The following TECTA variants were observed in gnomAD, a reference collection of about 807,000 sequenced individuals.
TECTA encodes the protein tectorin alpha.
TECTA carries 128 observed loss-of-function variants against 216.8 expected under a neutral mutation model. That is an observed-to-expected ratio of 0.59 (90% CI 0.51 to 0.68). TECTA has a LOEUF of 0.68. Among genes scored for constraint, TECTA ranks in the 30% least tolerant of loss-of-function variants. TECTA has a pLI of 0.00. For missense variants in TECTA, 2,551 were observed against 2,786.2 expected, an observed-to-expected ratio of 0.92 and a Z score of 1.90; for synonymous variants, 1,089 against 1,117.1, an observed-to-expected ratio of 0.97 and a Z score of 0.50.
rs56161514 is a variant in TECTA at position 121,190,074 on chromosome 11, C to A, written c.6367+194C>A. 0.026 allele frequency: 15,214 copies of A among 595,050 alleles called. 286 individuals carry two copies. Among genetic ancestry groups the A allele is most frequent in the African/African-American group, 0.054 (2,881 of 53,438 alleles). 36.9% of individuals were successfully genotyped at this position (595,050 alleles called of 1,614,324 possible). A position where few individuals can be genotyped will look rare whatever the true frequency, so the allele number is the denominator to read the frequency against. ...TAAACAAACAAACAAACAACAACAA[C>A]AAAAAAACCTTGCTCTTTCATCTAA... On this transcript the variant is annotated intron_variant, in intron 23 of 23. Transcript: ENST00000392793.
chr11:121,136,561 A>G (rs1946729264), intron 10 of TECTA, among the ~76,000 whole-genome samples: 1 of 152,218 alleles, frequency 6.6e-6, no homozygotes, highest in Admixed American at 6.5e-5. Flanking sequence ...AAAGAGGAGC[A>G]AGGCATACCA....
intron 14 of TECTA, among the ~76,000 whole-genome samples, chr11:121,159,355 A>G (rs1946975722): frequency 1.3e-5 from 2 of 152,206 alleles, no homozygotes; most frequent in South Asian, 4.1e-4. Context: ...CACCCAAGAG[A>G]GCAAAACTGA....
Position 121,129,646 on chromosome 11 carries a change from T to G in TECTA, c.2376T>G (p.Gly792=), listed in dbSNP as rs760416503. The change falls in exon 10 of 24, where the codon GGT becomes GGG. Residue 792 remains glycine (G), a synonymous_variant. Transcript: ENST00000392793. The stretch of plus-strand genomic sequence containing the variant: ...ATGACTTGATTTTTCAGTTGAATGG[T>G]CAGGAAGTGGAATTGCCTTTTTTCC... The part of the protein sequence containing the change: ...GIGASEVKLN[G]QEVELPFFHP... The G allele has an allele frequency of 1.9e-6, 3 of 1,614,182 alleles. No individual in the cohort carries two copies. Among genetic ancestry groups the G allele is most frequent in the Non-Finnish European group, 2.5e-6 (3 of 1,180,030 alleles).
intron 10 of TECTA, 70 bp downstream of exon 10, chr11:121,130,281 G>A: frequency 6.5e-7 from 1 of 1,548,934 alleles, no homozygotes; most frequent in Non-Finnish European, 8.7e-7. Context: ...GCCTTACTCA[G>A]GACTTCCCTT....
chr11:121,170,390 A>G (rs1947098941), intron 20 of TECTA, among the ~76,000 whole-genome samples: 1 of 152,020 alleles, frequency 6.6e-6, no homozygotes, highest in Admixed American at 6.6e-5. Context: ...TTGCTGGATC[A>G]TGTGGGAGTT....
chr11:121,150,081 C>T (rs1397948817), intron 12 of TECTA, among the ~76,000 whole-genome samples: 1 of 152,162 alleles, frequency 6.6e-6, no homozygotes, highest in Non-Finnish European at 1.5e-5. Context: ...CCTTCAGTCA[C>T]TGTTAACACT....
At chr11:121,125,183 G>C in intron 7 of TECTA, 119 bp from the exon 8 acceptor site, 1 of 1,060,160 alleles carries the variant, frequency 9.4e-7, no homozygotes, top group Non-Finnish European at 1.4e-6. Context: ...AGCCTGGACC[G>C]TTTAGGTGGC....
intron 20 of TECTA, among the ~76,000 whole-genome samples, chr11:121,170,307 A>G (rs1267522603): frequency 6.6e-6 from 1 of 152,226 alleles, no homozygotes; most frequent in East Asian, 1.9e-4. Context: ...TAGTGCTGCA[A>G]TAAACATGGA....
rs1490748218 is a variant in TECTA, at chr11:121,158,210, C to T, written c.4675C>T (p.Arg1559Trp). ...CGAAGAGCAGATTCTCATCAACGAC[C>T]GGAACACGGTCAAGGTAACCAGCCT... Reference protein sequence around the residue: ...INEEQILINDRNTVKVNGTQV... With the variant: ...INEEQILINDWNTVKVNGTQV... The change falls in exon 14 of 24, where the codon CGG becomes TGG. Residue 1559 changes from arginine to tryptophan, a missense_variant. Transcript: ENST00000392793. 1.9e-6 allele frequency: 3 copies of T among 1,612,980 alleles called. No individual in the cohort carries two copies. Among genetic ancestry groups the T allele is most frequent in the East Asian group, 2.2e-5 (1 of 44,896 alleles).
chr11:121,145,929 C>G lies in TECTA; in HGVS notation c.3918C>G (p.Asn1306Lys). The G allele has an allele frequency of 6.2e-7, 1 of 1,614,246 alleles. No individual in the cohort carries two copies. Among genetic ancestry groups the G allele is most frequent in the Non-Finnish European group, 8.5e-7 (1 of 1,180,040 alleles). Reference sequence around the variant, plus strand: ...AGCAGCTGTGCAGCCTGATCCCCAACCAGAACGCTGCCTTCTCCAAGTGTC... The same window carrying G: ...AGCAGCTGTGCAGCCTGATCCCCAAGCAGAACGCTGCCTTCTCCAAGTGTC... ...KVQQLCSLIP[N>K]QNAAFSKCHS... The change falls in exon 12 of 24, where the codon AAC becomes AAG. Residue 1306 changes from asparagine to lysine, a missense_variant. Asn to Lys is a moderately conservative substitution (Grantham distance 94). This residue lies in a region of TECTA where 2,375 missense variants were observed against 2,563.9 expected (regional missense o/e 0.93). Transcript: ENST00000392793.
At chr11:121,147,418 G>A (rs182296644) in intron 12 of TECTA, among the ~76,000 whole-genome samples, 43 of 152,250 alleles carry the variant, frequency 2.8e-4, no homozygotes, top group Non-Finnish European at 5.1e-4. Flanking sequence ...AGATGAAGGC[G>A]GGGAACAGAT....
Position 121,145,989 on chromosome 11 carries a change from C to T in TECTA, c.3978C>T (p.Asn1326=). Residue 1326 remains asparagine, a synonymous_variant, in exon 12 of 24, where the codon AAC becomes AAT. Coordinates refer to ENST00000392793, the MANE Select transcript of TECTA (RefSeq NM_005422.4). ...TTAACCCCACCTTCTTCTATAAGAACTGCCTGTTTGACTCTTGCATCGATG... is the reference window on the plus strand; with the variant it reads ...TTAACCCCACCTTCTTCTATAAGAATTGCCTGTTTGACTCTTGCATCGATG... The part of the protein sequence containing the change: ...SKVNPTFFYK[N]CLFDSCIDGG... 6.2e-7 allele frequency: 1 copy of T among 1,614,272 alleles called. No individual in the cohort carries two copies. The highest frequency in any genetic ancestry group is 8.5e-7 in the Non-Finnish European group (1 of 1,180,056).
chr11:121,136,932 C>T (rs1002037675), intron 10 of TECTA, among the ~76,000 whole-genome samples: 10 of 152,170 alleles, frequency 6.6e-5, no homozygotes, highest in East Asian at 1.9e-4. Context: ...CCTGGCATGT[C>T]GCAGGTGCTC....
chr11:121,166,741 G>A lies in TECTA; in HGVS notation c.5547G>A (p.Gln1849=). Residue 1849 remains glutamine, a synonymous_variant, in exon 18 of 24, where the codon CAG becomes CAA. Transcript: ENST00000392793. Reference sequence around the variant, plus strand: ...AGGGGGAAGATTTTATCTCCTTTCAGATCAACAACACCAAAGGGAATTGTG... The same window carrying A: ...AGGGGGAAGATTTTATCTCCTTTCAAATCAACAACACCAAAGGGAATTGTG... ...GIEGEDFISF[Q]INNTKGNCGN... is the part of the protein sequence containing the mutation. 1 of 1,614,158 alleles carries A rather than the reference G, an allele frequency of 6.2e-7. No individual in the cohort carries two copies.
rs530848969 is a variant in TECTA, at chr11:121,119,011, ACAC to A, written c.1203+294_1203+296del. On this transcript the variant is annotated intron_variant, in intron 7 of 23. Transcript: ENST00000392793. ...CTGATAGGCACACACACACACACAC[ACAC>A]ACACACACACACACACACACACACA... Among the ~76,000 whole-genome samples, 36,311 of 149,720 alleles carry A rather than the reference ACAC, an allele frequency of 0.24. 5,219 individuals are homozygous for A. Among genetic ancestry groups the A allele is most frequent in the Admixed American group, 0.33 (4,923 of 15,090 alleles).
At chr11:121,128,672 C>T (rs368927976) in intron 9 of TECTA, among the ~76,000 whole-genome samples, 113 of 152,322 alleles carry the variant, frequency 7.4e-4, no homozygotes, top group African/African-American at 2.5e-3. Context: ...CCTCATTTTA[C>T]AGATGAGAAA....
chr11:121,118,234 G>C, intron 6 of TECTA, 72 bp from the exon 7 acceptor site: 1 of 1,580,142 alleles, frequency 6.3e-7, no homozygotes, highest in Non-Finnish European at 8.6e-7. Context: ...TGGAAGTAAA[G>C]CATTTAGCCC....
At chr11:121,120,699 A>G (rs916905248) in intron 7 of TECTA, among the ~76,000 whole-genome samples, 2 of 152,256 alleles carry the variant, frequency 1.3e-5, no homozygotes, top group African/African-American at 4.8e-5. Context: ...AGGATTAGAT[A>G]TACCAGTAGG....
Position 121,125,648 on chromosome 11 carries a change from T to C in TECTA, c.1550T>C (p.Leu517Pro). ...CAGTGCGACGCTGCCACTGAAGCCC[T>C]CTACTTTGGCTCTGACTACTGCGGC... ...CTQCDAATEA[L>P]YFGSDYCGFL... The change falls in exon 8 of 24, where the codon CTC becomes CCC. Residue 517 changes from leucine to proline, a missense_variant. Physicochemically the swap from Leu to Pro is moderately conservative, Grantham distance 98 (BLOSUM62 -3). Around this residue, in one of 3 missense-constraint regions of TECTA, gnomAD observed 2,375 missense variants for 2,563.9 expected, o/e 0.93. Transcript: ENST00000392793. 6.2e-7 allele frequency: 1 copy of C among 1,611,658 alleles called. No homozygotes were observed. The highest frequency in any genetic ancestry group is 8.5e-7 in the Non-Finnish European group (1 of 1,178,004).
Sources: allele counts gnomAD v4.1 joint callset (sites outside exome capture counted in the v4.1 genomes callset), GRCh38; gene constraint gnomAD v4.1.1; regional missense constraint gnomAD v4.1.1; transcripts MANE v1.5; gene names NCBI Gene and HGNC (gene_info 2026-07-23, HGNC 2026-07-21).